HECW1: variants seen among roughly 807,000 people sequenced by gnomAD.
HECW1 encodes E3 ubiquitin-protein ligase HECW1.
A neutral mutation model predicts 182.3 loss-of-function variants in HECW1; 61 were observed. That is an observed-to-expected ratio of 0.33 (90% CI 0.27 to 0.41). The LOEUF is 0.41. Ranked by LOEUF, HECW1 falls within the 10% of genes least tolerant of loss-of-function variation. The pLI, the probability that HECW1 is intolerant of heterozygous loss-of-function variation, is 1.00. For missense variants in HECW1, 1,739 were observed against 2,108.9 expected (o/e 0.82, Z 3.44); for synonymous variants, 859 against 832.6 (o/e 1.03, Z -0.55).
chr7:43,551,397 T>A (rs909988094), intron 27 of HECW1, among the ~76,000 whole-genome samples: 1 of 152,140 alleles, frequency 6.6e-6, no homozygotes, highest in Non-Finnish European at 1.5e-5. Context: ...AGGCTTTTAA[T>A]CTTAGGGTCA....
intron 2 of HECW1, among the ~76,000 whole-genome samples, chr7:43,177,244 C>T (rs954541524): frequency 3.3e-5 from 5 of 152,152 alleles, no homozygotes; most frequent in Admixed American, 3.3e-4. Flanking sequence ...GGATGATGCC[C>T]AGAGAGGCTT....
At chr7:43,334,935 A>G (rs1414748793) in intron 5 of HECW1, among the ~76,000 whole-genome samples, 9 of 152,186 alleles carry the variant, frequency 5.9e-5, no homozygotes, top group Non-Finnish European at 1.0e-4. Flanking sequence ...TCTTTTCTTC[A>G]TATTTACCCT....
chr7:43,372,923 C>T (rs1186997059), intron 6 of HECW1, among the ~76,000 whole-genome samples: 2 of 152,084 alleles, frequency 1.3e-5, no homozygotes, highest in Non-Finnish European at 2.9e-5. Context: ...GTTTAGTCTA[C>T]CCATCAACCC....
At chr7:43,207,355 A>G (rs1795579664) in intron 2 of HECW1, among the ~76,000 whole-genome samples, 1 of 152,308 alleles carries the variant, frequency 6.6e-6, no homozygotes, top group South Asian at 2.1e-4. Context: ...CTAAAATTCT[A>G]TTTTTAAATT....
At chr7:43,399,329 T>C (rs1322292545) in intron 7 of HECW1, among the ~76,000 whole-genome samples, 1 of 152,228 alleles carries the variant, frequency 6.6e-6, no homozygotes, top group Non-Finnish European at 1.5e-5. Context: ...TCTTTCACTG[T>C]CTCAGTTATA....
At position 43,284,174 on chromosome 7, in the gene HECW1, A is replaced by G. The variant is rs1343993130; in HGVS notation, c.28-27589A>G. Reference sequence around the variant, plus strand: ...CTAGTGACAGGTAATCTTATAGGAAATGGGAGGACTGTTTTTCCCAGATCT... The same window carrying G: ...CTAGTGACAGGTAATCTTATAGGAAGTGGGAGGACTGTTTTTCCCAGATCT... On this transcript the variant is annotated intron_variant, in intron 3 of 29. Coordinates refer to ENST00000395891, the MANE Select transcript of HECW1 (RefSeq NM_015052.5). Among the ~76,000 whole-genome samples the G allele has an allele frequency of 2.6e-5, 4 of 152,136 alleles. No homozygotes were observed. In the East Asian group the frequency reaches 7.7e-4, roughly 29 times the overall value.
At chr7:43,303,986 A>G (rs1318695203) in intron 3 of HECW1, among the ~76,000 whole-genome samples, 1 of 152,226 alleles carries the variant, frequency 6.6e-6, no homozygotes, top group Non-Finnish European at 1.5e-5. Context: ...CTTATTTGAC[A>G]GGTGATGAAG....
intron 6 of HECW1, among the ~76,000 whole-genome samples, chr7:43,366,867 A>G (rs1318300950): frequency 6.6e-6 from 1 of 152,184 alleles, no homozygotes; most frequent in African/African-American, 2.4e-5. Flanking sequence ...GCATTGCCCC[A>G]GTGAGATGGA....
intron 17 of HECW1, among the ~76,000 whole-genome samples, chr7:43,483,225 A>G (rs1424645756): frequency 1.3e-5 from 2 of 152,314 alleles, no homozygotes; most frequent in South Asian, 4.1e-4. Context: ...GTCATCTCTA[A>G]AACACATTTG....
chr7:43,130,338 G>A (rs1175099319), intron 2 of HECW1, among the ~76,000 whole-genome samples: 3 of 152,122 alleles, frequency 2.0e-5, no homozygotes, highest in African/African-American at 7.2e-5. Flanking sequence ...ATTCATTTAT[G>A]TTTCATGTAC....
chr7:43,421,185 A>G (rs1221282637), intron 8 of HECW1, among the ~76,000 whole-genome samples: 2 of 152,242 alleles, frequency 1.3e-5, no homozygotes, highest in South Asian at 4.1e-4. Context: ...GCTGTATGTT[A>G]TGGAAAGGAT....
intron 28 of HECW1, among the ~76,000 whole-genome samples, chr7:43,552,587 C>T (rs1255105148): frequency 6.6e-5 from 10 of 152,204 alleles, no homozygotes; most frequent in Admixed American, 6.5e-4. Flanking sequence ...TTTCCCCCAA[C>T]CCCTGGCAAC....
At chr7:43,185,847 A>C (rs1793346372) in intron 2 of HECW1, among the ~76,000 whole-genome samples, 1 of 152,190 alleles carries the variant, frequency 6.6e-6, no homozygotes, top group Admixed American at 6.5e-5. Flanking sequence ...AAGTTATATA[A>C]TTTAATTTGT....
chr7:43,356,037 A>G (rs918120950), intron 5 of HECW1, among the ~76,000 whole-genome samples: 1 of 152,150 alleles, frequency 6.6e-6, no homozygotes, highest in African/African-American at 2.4e-5. Context: ...ACAAAATGGC[A>G]GTAATCAGTC....
chr7:43,561,364 C>T (rs572076291), intron 29 of HECW1, among the ~76,000 whole-genome samples: 1 of 152,202 alleles, frequency 6.6e-6, no homozygotes, highest in Non-Finnish European at 1.5e-5. Flanking sequence ...AGAACTGGAT[C>T]TCAGAATTCC....
chr7:43,433,184 A>G (rs551008118), intron 8 of HECW1, among the ~76,000 whole-genome samples: 8 of 152,400 alleles, frequency 5.2e-5, no homozygotes, highest in African/African-American at 1.9e-4. Context: ...AAAATAAGCT[A>G]TTAAACTCAG....
At chr7:43,298,184 A>G (rs1437619550) in intron 3 of HECW1, among the ~76,000 whole-genome samples, 1 of 152,158 alleles carries the variant, frequency 6.6e-6, no homozygotes, top group Non-Finnish European at 1.5e-5. Context: ...TGTCTGGAAT[A>G]TTCACCCCAC....
chr7:43,175,761 T>C (rs1416827092), intron 2 of HECW1, among the ~76,000 whole-genome samples: 1 of 152,202 alleles, frequency 6.6e-6, no homozygotes, highest in African/African-American at 2.4e-5. Flanking sequence ...AACGTTTCAC[T>C]CCAGGCTTGT....
At chr7:43,557,558 G>T (rs890588823) in intron 29 of HECW1, among the ~76,000 whole-genome samples, 2 of 152,222 alleles carry the variant, frequency 1.3e-5, no homozygotes, top group African/African-American at 4.8e-5. Flanking sequence ...GGGGGCTTGG[G>T]TGTTCACCCT....
Sources: allele counts gnomAD v4.1 joint callset (sites outside exome capture counted in the v4.1 genomes callset), GRCh38; gene constraint gnomAD v4.1.1; transcripts MANE v1.5; gene names NCBI Gene and HGNC (gene_info 2026-07-23, HGNC 2026-07-21).